Variants in RECQL4 observed in about 807,000 individuals in gnomAD.
RECQL4 encodes RecQ like helicase 4.
Under a neutral mutation model 128.6 loss-of-function variants are expected in RECQL4, and 158 were observed. The ratio of observed to expected loss-of-function variants is 1.23; its 90% CI spans 1.08 to 1.40. RECQL4 has a LOEUF of 1.40. Ranked by LOEUF, RECQL4 falls within the 40% of genes most tolerant of loss-of-function variation. The pLI is 0.00. For synonymous variants in RECQL4, 996 were observed against 678.9 expected (o/e 1.47, Z -7.26); for missense variants, 2,293 against 1,649.8 (o/e 1.39, Z -6.75).
At chr8:144,513,187 C>T (rs765618675) in intron 14 of RECQL4, 31 bp downstream of exon 14, 3 of 1,489,490 alleles carry the variant, frequency 2.0e-6, no homozygotes, top group Admixed American at 4.0e-5. Flanking sequence ...GGGGCTCGAG[C>T]ACTGGCAGTG....
chr8:144,513,586 C>T lies in RECQL4; in HGVS notation c.2185G>A (p.Val729Ile), dbSNP rs376141829. 2.8e-5 allele frequency: 45 copies of T among 1,610,198 alleles called. No homozygotes were observed. Among genetic ancestry groups the T allele is most frequent in the Non-Finnish European group, 3.7e-5 (44 of 1,178,926 alleles). Residue 729 changes from valine (V) to isoleucine (I), a missense_variant, in exon 13 of 21, where the codon GTC (valine) becomes ATC (isoleucine). Physicochemically the swap from Val to Ile is conservative, Grantham distance 29 (BLOSUM62 3). Coordinates refer to ENST00000617875, the MANE Select transcript of RECQL4 (RefSeq NM_004260.4). The part of the protein sequence containing the change: ...LLRTCLHAAW[V>I]PGSGGRAPKT... The stretch of plus-strand genomic sequence containing the variant: ...CATGCCGCACCTCCAGACCCTGGGA[C>T]CCAGGCTGCGTGCAGGCAGGTTCGG...
intron 9 of RECQL4, 142 bp downstream of exon 9, chr8:144,514,794 C>T (rs1827909956): frequency 6.4e-6 from 7 of 1,092,862 alleles, no homozygotes; most frequent in Non-Finnish European, 7.9e-6. Context: ...CTTTGACCTG[C>T]TGCCAAGACT....
chr8:144,513,467 T>C lies in RECQL4; in HGVS notation c.2214A>G (p.Lys738=). Residue 738 remains lysine (K), a synonymous_variant, in exon 14 of 21, where the codon AAA becomes AAG. Coordinates refer to ENST00000617875, the MANE Select transcript of RECQL4 (RefSeq NM_004260.4). ...WVPGSGGRAP[K]TTAEAYHAGM... is the part of the protein sequence containing the mutation. ...CCGCGTGGTAGGCCTCGGCTGTGGTTTTGGGGGCACGACCTTTGGGGAAGA... is the reference window on the plus strand; with the variant it reads ...CCGCGTGGTAGGCCTCGGCTGTGGTCTTGGGGGCACGACCTTTGGGGAAGA... The C allele has an allele frequency of 6.2e-7, 1 of 1,609,906 alleles. No homozygotes were observed. The highest frequency in any genetic ancestry group is 8.5e-7 in the Non-Finnish European group (1 of 1,179,778).
chr8:144,516,839 TC>T, intron 4 of RECQL4, 75 bp from the exon 5 acceptor site: 1 of 1,427,464 alleles, frequency 7.0e-7, no homozygotes, highest in African/African-American at 1.4e-5. Flanking sequence ...CCTACCTGAG[TC>T]CCCACGCTCA....
chr8:144,511,550 G>T lies in RECQL4; in HGVS notation c.3508C>A (p.Pro1170Thr). 1.2e-6 allele frequency: 2 copies of T among 1,612,140 alleles called. No homozygotes were observed. The highest frequency in any genetic ancestry group is 1.1e-5 in the South Asian group (1 of 91,082). The change falls in exon 21 of 21, where the codon CCC becomes ACC. Residue 1170 changes from proline to threonine, a missense_variant. Pro to Thr is a conservative substitution (Grantham distance 38, BLOSUM62 -1). Transcript: ENST00000617875. Reference protein sequence around the residue: ...VARIFHGIGSPCYPAQVYGQD... With the variant: ...VARIFHGIGSTCYPAQVYGQD... ...CCGTACACCTGGGCCGGGTAGCAGG[G>T]GCTTCCTACGGTGGAGCCAAGACAC...
chr8:144,514,644 T>G, intron 9 of RECQL4, 119 bp from the exon 10 acceptor site: 2 of 1,126,188 alleles, frequency 1.8e-6, no homozygotes, highest in Non-Finnish European at 2.5e-6. Flanking sequence ...AACCAGGTCC[T>G]GGGTCCTAGG....
At position 144,512,635 on chromosome 8, in the gene RECQL4, T is replaced by C; in HGVS notation, c.2885+7A>G. 6.2e-7 allele frequency: 1 copy of C among 1,612,326 alleles called. No individual in the cohort carries two copies. Among genetic ancestry groups the C allele is most frequent in the Non-Finnish European group, 8.5e-7 (1 of 1,179,634 alleles). On this transcript the variant is annotated splice_region_variant and intron_variant, in intron 16 of 20. Transcript: ENST00000617875. Reference sequence around the variant, plus strand: ...ACCTCGTCTCCAACTGGGCAGGGCGTGCTTACCTGTGGGCCAGGGCCTGGA... The same window carrying C: ...ACCTCGTCTCCAACTGGGCAGGGCGCGCTTACCTGTGGGCCAGGGCCTGGA...
chr8:144,516,970 T>A, intron 4 of RECQL4, 80 bp downstream of exon 4: 3 of 1,535,758 alleles, frequency 2.0e-6, no homozygotes, highest in Non-Finnish European at 2.6e-6. Flanking sequence ...CCTGTCTGTG[T>A]GGAAAAAATG....
chr8:144,516,711 C>G lies in RECQL4; in HGVS notation c.408G>C (p.Lys136Asn). The change falls in exon 5 of 21, where the codon AAG becomes AAC. Residue 136 changes from lysine (K) to asparagine (N), a missense_variant. Transcript: ENST00000617875. ...RPWPLGRASS[K>N]ASTPKPPGTG... The stretch of plus-strand genomic sequence containing the variant: ...TACCTGGGGGCTTTGGGGTGGATGC[C>G]TTAGATGAGGCTCTTCCTAGAGGCC... 6.5e-7 allele frequency: 1 copy of G among 1,546,388 alleles called. No individual in the cohort carries two copies. The highest frequency in any genetic ancestry group is 8.7e-7 in the Non-Finnish European group (1 of 1,148,878).
rs35099765 is a variant in RECQL4 at position 144,517,335 on chromosome 8, C to A, written c.213+79G>T. On this transcript the variant is annotated intron_variant, in intron 3 of 20. Coordinates refer to ENST00000617875, the MANE Select transcript of RECQL4 (RefSeq NM_004260.4). ...TCCCAAGTTCTGTGCCCCACGGCGG[C>A]CTGGCCGCGACTCCGTGGCTCCCGC... 18 of 1,480,556 alleles carry A rather than the reference C, an allele frequency of 1.2e-5. No homozygotes were observed. In the African/African-American group the frequency reaches 2.2e-4, roughly 18 times the overall value. 91.7% of individuals were successfully genotyped at this position (1,480,556 alleles called of 1,614,324 possible). A position where few individuals can be genotyped will look rare whatever the true frequency, so the allele number is the denominator to read the frequency against.
At position 144,512,628 on chromosome 8, in the gene RECQL4, C is replaced by A. The variant is rs1827465246; in HGVS notation, c.2885+14G>T. 1 of 1,611,788 alleles carries A rather than the reference C, an allele frequency of 6.2e-7. No homozygotes were observed. The highest frequency in any genetic ancestry group is 1.7e-4 in the Middle Eastern group (1 of 6,056). ...TTCTCCAACCTCGTCTCCAACTGGG[C>A]AGGGCGTGCTTACCTGTGGGCCAGG... On this transcript the variant is annotated intron_variant, in intron 16 of 20. Transcript: ENST00000617875.
In RECQL4 at chr8:144,512,235, C is replaced by T. The variant is rs1176326208; in HGVS notation, c.3145G>A (p.Asp1049Asn). Residue 1049 changes from aspartate to asparagine, a missense_variant, in exon 18 of 21, where the codon GAC becomes AAC. Transcript: ENST00000617875. ...SPGDLTAEEK[D>N]QICDFLYGRV... ...CCATAGAGGAAGTCACATATCTGGT[C>T]CTTCTCCTCAGCGGTCAAGTCCCCC... 21 of 1,612,284 alleles carry T rather than the reference C, an allele frequency of 1.3e-5. No individual in the cohort carries two copies. The East Asian group carries it at 2.0e-4, about 15-fold the overall frequency.
chr8:144,516,811 C>T (rs1815127623), intron 4 of RECQL4, 47 bp from the exon 5 acceptor site: 2 of 1,494,420 alleles, frequency 1.3e-6, no homozygotes, highest in South Asian at 1.4e-5. Flanking sequence ...GGCCCCTGAG[C>T]TACTGTAGAC....
Position 144,512,876 on chromosome 8 carries a change from G to T in RECQL4, c.2726C>A (p.Thr909Asn). The T allele has an allele frequency of 6.3e-7, 1 of 1,597,984 alleles. No individual in the cohort carries two copies. Among genetic ancestry groups the T allele is most frequent in the Non-Finnish European group, 8.5e-7 (1 of 1,172,414 alleles). Residue 909 changes from threonine to asparagine, a missense_variant, in exon 15 of 21, where the codon ACC (threonine) becomes AAC (asparagine). Coordinates refer to ENST00000617875, the MANE Select transcript of RECQL4 (RefSeq NM_004260.4). ...CTCCGGCATGTCCAAAGCCTGTACG[G>T]TAAGCTGTATTGGGAGTGCCCGCTC... ...GHERALPIQL[T>N]VQALDMPEEA...
At chr8:144,514,747 C>T (rs776902044) in intron 9 of RECQL4, among the ~76,000 whole-genome samples, 189 bp downstream of exon 9, 16 of 152,202 alleles carry the variant, frequency 1.1e-4, no homozygotes, top group Admixed American at 4.6e-4. Flanking sequence ...GCACATTTCC[C>T]GTAGGGGTGG....
chr8:144,517,168 C>A lies in RECQL4; in HGVS notation c.236G>T (p.Gly79Val), dbSNP rs1173220801. The A allele has an allele frequency of 1.2e-6, 2 of 1,608,106 alleles. No homozygotes were observed. Among genetic ancestry groups the A allele is most frequent in the Admixed American group, 1.7e-5 (1 of 59,394 alleles). Residue 79 changes from glycine (G) to valine (V), a missense_variant, in exon 4 of 21, where the codon GGG (glycine) becomes GTG (valine). Physicochemically the swap from Gly to Val is moderately radical, Grantham distance 109 (BLOSUM62 -3). Transcript: ENST00000617875. ...AEEAPEPRCW[G>V]PHLNRAATKS... is the part of the protein sequence containing the mutation. Reference sequence around the variant, plus strand: ...GGTCGCAGCCCGATTCAGATGGGGCCCCCAGCAGCGGGGCTCTGGCGCCTG... The same window carrying A: ...GGTCGCAGCCCGATTCAGATGGGGCACCCAGCAGCGGGGCTCTGGCGCCTG...
rs771790911 is a variant in RECQL4, at chr8:144,513,474, G to A, written c.2207C>T (p.Ala736Val). The change falls in exon 14 of 21, where the codon GCC becomes GTC. Residue 736 changes from alanine (A) to valine (V), a missense_variant. Transcript: ENST00000617875. Reference protein sequence around the residue: ...AAWVPGSGGRAPKTTAEAYHA... With the variant: ...AAWVPGSGGRVPKTTAEAYHA... ...GTAGGCCTCGGCTGTGGTTTTGGGG[G>A]CACGACCTTTGGGGAAGACAGGCAG... 6 of 1,609,704 alleles carry A rather than the reference G, an allele frequency of 3.7e-6. No individual in the cohort carries two copies. The highest frequency in any genetic ancestry group is 2.7e-5 in the African/African-American group (2 of 74,944).
Position 144,512,070 on chromosome 8 carries a change from G to A in RECQL4, c.3237-3C>T, listed in dbSNP as rs1827331211. 6.2e-7 allele frequency: 1 copy of A among 1,607,164 alleles called. No individual in the cohort carries two copies. The highest frequency in any genetic ancestry group is 8.5e-7 in the Non-Finnish European group (1 of 1,178,198). On this transcript the variant is annotated splice_region_variant and splice_polypyrimidine_tract_variant and intron_variant, in intron 18 of 20. Coordinates refer to ENST00000617875, the MANE Select transcript of RECQL4 (RefSeq NM_004260.4). The stretch of plus-strand genomic sequence containing the variant: ...GCCCGCAGCTGGGGAAGGCTACGCT[G>A]TGGGGAGGAGCCTGTCAGAGCTGAT...
rs1464951222 is a variant in RECQL4 at position 144,515,163 on chromosome 8, C to G, written c.1470G>C (p.Met490Ile). 6.4e-7 allele frequency: 1 copy of G among 1,565,150 alleles called. No individual in the cohort carries two copies. Among genetic ancestry groups the G allele is most frequent in the Non-Finnish European group, 8.7e-7 (1 of 1,155,866 alleles). Residue 490 changes from methionine to isoleucine, a missense_variant, in exon 8 of 21, where the codon ATG (methionine) becomes ATC (isoleucine). By Grantham distance (10) the Met-to-Ile change is conservative. Transcript: ENST00000617875. ...AGCCACGCTCACCAGACAGGATCCG[C>G]ATGACTGCACGCTCCTGCCCAGGGC... ...AFRPGQERAVMRILSGISTLL... is the reference protein window; with the variant it reads ...AFRPGQERAVIRILSGISTLL...
Sources: allele counts gnomAD v4.1 joint callset (sites outside exome capture counted in the v4.1 genomes callset), GRCh38; gene constraint gnomAD v4.1.1; transcripts MANE v1.5; gene names NCBI Gene and HGNC (gene_info 2026-07-23, HGNC 2026-07-21).